Variants in PDCD11 observed in about 807,000 individuals in gnomAD.
PDCD11 encodes the protein protein RRP5 homolog.
PDCD11 carries 97 observed loss-of-function variants against 198.9 expected under a neutral mutation model. The observed-to-expected ratio is 0.49, with a 90% CI of 0.41 to 0.58. The LOEUF is 0.58. Ranked by LOEUF, PDCD11 falls within the 20% of genes least tolerant of loss-of-function variation. The pLI, the probability that PDCD11 is intolerant of heterozygous loss-of-function variation, is 0.00. For synonymous variants in PDCD11, 893 were observed against 918.0 expected, an observed-to-expected ratio of 0.97 and a Z score of 0.49; for missense variants, 2,102 against 2,312.7, an observed-to-expected ratio of 0.91 and a Z score of 1.87.
chr10:103,432,206 G>A lies in PDCD11; in HGVS notation c.3446G>A (p.Gly1149Asp). 28 of 1,613,500 alleles carry A rather than the reference G, an allele frequency of 1.7e-5. No homozygotes were observed. Among genetic ancestry groups the A allele is most frequent in the Non-Finnish European group, 2.4e-5 (28 of 1,179,382 alleles). The change falls in exon 22 of 36, where the codon GGC becomes GAC. Residue 1149 changes from glycine (G) to aspartate (D), a missense_variant. Gly to Asp is a moderately conservative substitution (Grantham distance 94). Coordinates refer to ENST00000369797, the MANE Select transcript of PDCD11 (RefSeq NM_014976.2). The part of the protein sequence containing the change: ...PMEKIKQYQA[G>D]QTVTCFLKKY... ...GAGAAGATTAAACAGTACCAGGCCG[G>A]CCAGACTGTTACTTGCTTCTTAAAG...
rs191408161 is a variant in PDCD11 at position 103,426,207 on chromosome 10, C to T, written c.3305+682C>T. ...AGTGGGTTGCTGGCCTCAGTTACTG[C>T]GCTGTATACATCTGCAGTTGTCATT... On this transcript the variant is annotated intron_variant, in intron 20 of 35. Transcript: ENST00000369797. 1.4e-4 allele frequency among the ~76,000 whole-genome samples: 21 copies of T among 152,234 alleles called. No individual in the cohort carries two copies. The East Asian group carries it at 1.7e-3, about 13-fold the overall frequency.
intron 22 of PDCD11, 53 bp from the exon 23 acceptor site, chr10:103,433,895 C>T (rs546734032): frequency 1.8e-5 from 25 of 1,389,916 alleles, no homozygotes; most frequent in Admixed American, 1.0e-4. Flanking sequence ...GTTTTAATGG[C>T]GGGAAACCTT....
rs369798626 is a variant in PDCD11, at chr10:103,442,420, C to T, written c.4915C>T (p.Arg1639Cys). 169 of 1,614,008 alleles carry T rather than the reference C, an allele frequency of 1.0e-4. No individual in the cohort carries two copies. Among genetic ancestry groups the T allele is most frequent in the Middle Eastern group, 3.3e-4 (2 of 6,084 alleles). Residue 1639 changes from arginine to cysteine, a missense_variant, in exon 32 of 36, where the codon CGT becomes TGT. Transcript: ENST00000369797. ...HLQATEIEKARAVAERALKTI... is the reference protein window; with the variant it reads ...HLQATEIEKACAVAERALKTI... The stretch of plus-strand genomic sequence containing the variant: ...GCAGGCCACGGAGATCGAGAAGGCC[C>T]GTGCCGTGGCTGAGAGGGCCCTTAA...
chr10:103,443,240 G>A lies in PDCD11; in HGVS notation c.5031G>A (p.Leu1677=). The A allele has an allele frequency of 1.9e-6, 3 of 1,612,922 alleles. No individual in the cohort carries two copies. Among genetic ancestry groups the A allele is most frequent in the Non-Finnish European group, 2.5e-6 (3 of 1,179,038 alleles). The change falls in exon 33 of 36, where the codon CTG becomes CTA. Residue 1677 remains leucine, a synonymous_variant. Transcript: ENST00000369797. ...ACATGTACGGCTCTCAGGAGTCCCT[G>A]ACCAAGGTCTTTGAGCGAGCCGTGC... ...LENMYGSQES[L]TKVFERAVQY...
At chr10:103,400,162 G>A (rs894680982) in intron 2 of PDCD11, among the ~76,000 whole-genome samples, 7 of 151,830 alleles carry the variant, frequency 4.6e-5, no homozygotes, top group African/African-American at 1.4e-4. Flanking sequence ...AGAGAGAAGA[G>A]ACTTTGGGAA....
chr10:103,409,547 G>A (rs566097639), intron 7 of PDCD11, 152 bp from the exon 8 acceptor site: 20 of 604,854 alleles, frequency 3.3e-5, no homozygotes, highest in Admixed American at 2.8e-4. Flanking sequence ...CCAGTTATTT[G>A]TATAGGAAGA....
intron 9 of PDCD11, 28 bp from the exon 10 acceptor site, chr10:103,413,938 T>G (rs1471540164): frequency 2.1e-5 from 34 of 1,588,226 alleles, no homozygotes; most frequent in Non-Finnish European, 2.7e-5. Flanking sequence ...TGTCCCTGGC[T>G]TATCCTCAAT....
Position 103,445,575 on chromosome 10 carries a change from G to A in PDCD11, c.*26G>A. On this transcript the variant is annotated 3_prime_UTR_variant, in exon 36 of 36. Coordinates refer to ENST00000369797, the MANE Select transcript of PDCD11 (RefSeq NM_014976.2). ...TGGCAGGCTGGCTCTGTGGGACACT[G>A]TCAACAATGGGCCAGCCCGGCCCCG... 1.2e-6 allele frequency: 2 copies of A among 1,605,520 alleles called. No homozygotes were observed. Among genetic ancestry groups the A allele is most frequent in the Non-Finnish European group, 1.7e-6 (2 of 1,174,970 alleles).
chr10:103,425,039 C>T lies in PDCD11; in HGVS notation c.2819C>T (p.Ala940Val), dbSNP rs2031622397. ...AIVQHLEKSFAIASLVETGHL... is the reference protein window; with the variant it reads ...AIVQHLEKSFVIASLVETGHL... Reference sequence around the variant, plus strand: ...GTGCAGCACTTGGAGAAGTCCTTTGCCATTGCCTCCTTGGTAGAGACGGGC... The same window carrying T: ...GTGCAGCACTTGGAGAAGTCCTTTGTCATTGCCTCCTTGGTAGAGACGGGC... Residue 940 changes from alanine to valine, a missense_variant, in exon 20 of 36, where the codon GCC (alanine) becomes GTC (valine). Transcript: ENST00000369797. The T allele has an allele frequency of 1.2e-6, 2 of 1,614,142 alleles. No homozygotes were observed. The highest frequency in any genetic ancestry group is 1.7e-5 in the Admixed American group (1 of 60,014).
Position 103,419,667 on chromosome 10 carries a change from A to G in PDCD11, c.2236A>G (p.Ile746Val), listed in dbSNP as rs1269389898. Residue 746 changes from isoleucine (I) to valine (V), a missense_variant, in exon 16 of 36, where the codon ATC (isoleucine) becomes GTC (valine). Physicochemically the swap from Ile to Val is conservative, Grantham distance 29 (BLOSUM62 3). Coordinates refer to ENST00000369797, the MANE Select transcript of PDCD11 (RefSeq NM_014976.2). ...GAGCATCAAGGACTATGGCGTGTTCATCCAGTTCCCCTCAGGTCTTAGCGG... is the reference window on the plus strand; with the variant it reads ...GAGCATCAAGGACTATGGCGTGTTCGTCCAGTTCCCCTCAGGTCTTAGCGG... The part of the protein sequence containing the change: ...VKSIKDYGVF[I>V]QFPSGLSGLA... The G allele has an allele frequency of 1.2e-6, 2 of 1,614,144 alleles. No homozygotes were observed. The highest frequency in any genetic ancestry group is 1.7e-6 in the Non-Finnish European group (2 of 1,179,986).
Position 103,406,604 on chromosome 10 carries a change from T to A in PDCD11, c.689-5T>A, listed in dbSNP as rs1327487282. 1 of 1,613,592 alleles carries A rather than the reference T, an allele frequency of 6.2e-7. No individual in the cohort carries two copies. The highest frequency in any genetic ancestry group is 8.5e-7 in the Non-Finnish European group (1 of 1,179,768). On this transcript the variant is annotated splice_region_variant and splice_polypyrimidine_tract_variant and intron_variant, in intron 6 of 35. Transcript: ENST00000369797. ...TCCTTTTGGGGCCTGGGTCTGGGCT[T>A]ACAGGTGCTAAACTAAAGGTGGGTC...
Position 103,434,866 on chromosome 10 carries a change from C to T in PDCD11, c.3736C>T (p.Leu1246=). 1 of 1,613,022 alleles carries T rather than the reference C, an allele frequency of 6.2e-7. No homozygotes were observed. The highest frequency in any genetic ancestry group is 8.5e-7 in the Non-Finnish European group (1 of 1,179,510). The part of the protein sequence containing the change: ...RVVKVTPNEG[L]TVSFPFGKIG... The stretch of plus-strand genomic sequence containing the variant: ...GGTGAAGGTGACTCCCAACGAGGGG[C>T]TGACCGTCTCCTTCCCCTTTGGGAA... Residue 1246 remains leucine (L), a synonymous_variant, in exon 25 of 36, where the codon CTG becomes TTG. Coordinates refer to ENST00000369797, the MANE Select transcript of PDCD11 (RefSeq NM_014976.2).
chr10:103,404,896 A>G, intron 4 of PDCD11, 126 bp from the exon 5 acceptor site: 1 of 778,128 alleles, frequency 1.3e-6, no homozygotes, highest in South Asian at 1.9e-5. Context: ...ATGGGGGGTT[A>G]TTCCTCACCC....
Position 103,415,071 on chromosome 10 carries a change from G to C in PDCD11, c.1438G>C (p.Val480Leu). ...GGTGGGCGAGCAGATGAGGGGCCTG[G>C]TACCTCCCATGCACCTGGCTGACAT... ...VKVGEQMRGL[V>L]PPMHLADILM... Residue 480 changes from valine (V) to leucine (L), a missense_variant, in exon 12 of 36, where the codon GTA becomes CTA. Transcript: ENST00000369797. 7 of 1,614,116 alleles carry C rather than the reference G, an allele frequency of 4.3e-6. No individual in the cohort carries two copies. Among genetic ancestry groups the C allele is most frequent in the Non-Finnish European group, 5.9e-6 (7 of 1,180,012 alleles).
rs766720395 is a variant in PDCD11 at position 103,440,459 on chromosome 10, G to A, written c.4318G>A (p.Glu1440Lys). ...GGAAAAGAAAAATCAGAAAAGGAAC[G>A]AGAAGAAGAACCAGAAGGGGCAGGA... ...KGEKKNQKRN[E>K]KKNQKGQEEV... The change falls in exon 29 of 36, where the codon GAG (glutamate) becomes AAG (lysine). Residue 1440 changes from glutamate (E) to lysine (K), a missense_variant. By Grantham distance (56) the Glu-to-Lys change is moderately conservative. Transcript: ENST00000369797. The A allele has an allele frequency of 6.8e-6, 11 of 1,613,946 alleles. No individual in the cohort carries two copies. The highest frequency in any genetic ancestry group is 5.3e-5 in the African/African-American group (4 of 74,934).
intron 12 of PDCD11, among the ~76,000 whole-genome samples, chr10:103,415,799 G>A (rs2031074558): frequency 6.6e-6 from 1 of 152,270 alleles, no homozygotes. Context: ...AATAGCCCTG[G>A]CAAAGCTGCC....
chr10:103,426,008 T>A (rs1420475120), intron 20 of PDCD11, among the ~76,000 whole-genome samples: 1 of 152,176 alleles, frequency 6.6e-6, no homozygotes, highest in Non-Finnish European at 1.5e-5. Context: ...GTTAAGAACA[T>A]GGGTTTGGAG....
At chr10:103,401,943 C>CTGGCTT (rs2030100137) in intron 3 of PDCD11, among the ~76,000 whole-genome samples, 1 of 152,224 alleles carries the variant, frequency 6.6e-6, no homozygotes, top group Non-Finnish European at 1.5e-5. Flanking sequence ...GGGGCTTTAC[C>CTGGCTT]ATGTTAGCCA....
Position 103,403,195 on chromosome 10 carries a change from T to A in PDCD11, c.312T>A (p.Asn104Lys). Residue 104 changes from asparagine (N) to lysine (K), a missense_variant, in exon 4 of 36, where the codon AAT becomes AAA. By Grantham distance (94) the Asn-to-Lys change is moderately conservative. Transcript: ENST00000369797. ...TGGAACTGGTGATTAGTCTCCCCAATGGCCTCCAGGGCTTTGTGCAAGTCA... is the reference window on the plus strand; with the variant it reads ...TGGAACTGGTGATTAGTCTCCCCAAAGGCCTCCAGGGCTTTGTGCAAGTCA... ...NELELVISLP[N>K]GLQGFVQVTE... The A allele has an allele frequency of 6.2e-7, 1 of 1,614,176 alleles. No individual in the cohort carries two copies. The highest frequency in any genetic ancestry group is 8.5e-7 in the Non-Finnish European group (1 of 1,179,998).
Sources: allele counts gnomAD v4.1 joint callset (sites outside exome capture counted in the v4.1 genomes callset), GRCh38; gene constraint gnomAD v4.1.1; transcripts MANE v1.5; gene names NCBI Gene and HGNC (gene_info 2026-07-23, HGNC 2026-07-21).